Variants in UNC5C observed in about 807,000 individuals in gnomAD.
UNC5C encodes netrin receptor UNC5C.
In UNC5C, 47 loss-of-function variants were observed where a neutral mutation model predicts 99.8. The ratio of observed to expected loss-of-function variants is 0.47; its 90% CI spans 0.37 to 0.60. The LOEUF (loss-of-function observed/expected upper bound fraction) is 0.60. UNC5C is among the 20% of genes least tolerant of loss of function. UNC5C has a pLI of 0.00. For missense variants in UNC5C, 1,062 were observed against 1,165.9 expected (o/e 0.91, Z 1.30); for synonymous variants, 487 against 452.2 (o/e 1.08, Z -0.98).
intron 7 of UNC5C, among the ~76,000 whole-genome samples, chr4:95,221,293 G>A (rs1008173273): frequency 1.3e-5 from 2 of 152,134 alleles, no homozygotes; most frequent in Non-Finnish European, 2.9e-5. Context: ...TCAGGTAGTC[G>A]AGAACAACCT....
intron 1 of UNC5C, among the ~76,000 whole-genome samples, chr4:95,520,244 C>T (rs1028648048): frequency 1.3e-5 from 2 of 151,974 alleles, no homozygotes; most frequent in Non-Finnish European, 2.9e-5. Flanking sequence ...GATATTTTGT[C>T]GTGTCATTCT....
chr4:95,278,154 T>C (rs1740926894), intron 4 of UNC5C, 105 bp downstream of exon 4: 7 of 926,230 alleles, frequency 7.6e-6, no homozygotes, highest in South Asian at 4.3e-5. Context: ...TTACCAACCA[T>C]TCATCATGCC....
intron 2 of UNC5C, among the ~76,000 whole-genome samples, chr4:95,308,818 T>A (rs1336947706): frequency 2.1e-5 from 3 of 142,534 alleles, no homozygotes; most frequent in Non-Finnish European, 3.1e-5. Flanking sequence ...GATATGTTCA[T>A]GGATTAGAAA....
chr4:95,278,722 C>T (rs542006418), intron 3 of UNC5C, among the ~76,000 whole-genome samples: 1 of 152,040 alleles, frequency 6.6e-6, no homozygotes, highest in East Asian at 1.9e-4. Flanking sequence ...TCAAGTGATC[C>T]TCCCACCTCA....
rs759306174 is a variant in UNC5C at position 95,335,483 on chromosome 4, G to A, written c.273C>T (p.Ile91=). 6.2e-7 allele frequency: 1 copy of A among 1,612,450 alleles called. No homozygotes were observed. Among genetic ancestry groups the A allele is most frequent in the Non-Finnish European group, 8.5e-7 (1 of 1,178,942 alleles). The change falls in exon 2 of 16, where the codon ATC becomes ATT. Residue 91 remains isoleucine, a synonymous_variant. Coordinates refer to ENST00000453304, the MANE Select transcript of UNC5C (RefSeq NM_003728.4). ...LYCKASPATQ[I]YFKCNSEWVH... is the part of the protein sequence containing the mutation. ...CCCATTCACTATTACACTTGAAATA[G>A]ATCTGGGTGGCAGGGCTTGCTTTAC...
At chr4:95,269,111 T>C (rs1248141505) in intron 4 of UNC5C, among the ~76,000 whole-genome samples, 1 of 152,224 alleles carries the variant, frequency 6.6e-6, no homozygotes, top group African/African-American at 2.4e-5. Flanking sequence ...CCAGAGCTTT[T>C]CAAACTGCAT....
chr4:95,208,464 A>AACTT (rs779624449), intron 10 of UNC5C, among the ~76,000 whole-genome samples: 1 of 152,190 alleles, frequency 6.6e-6, no homozygotes, highest in African/African-American at 2.4e-5. Flanking sequence ...TTTTCATTTG[A>AACTT]ACTTAATAGT....
Position 95,201,794 on chromosome 4 carries a change from CG to C in UNC5C, c.2136+936del, listed in dbSNP as rs766349643. Among the ~76,000 whole-genome samples, 7 of 152,110 alleles carry C rather than the reference CG, an allele frequency of 4.6e-5. No individual in the cohort carries two copies. The East Asian group carries it at 9.7e-4, about 21-fold the overall frequency. On this transcript the variant is annotated intron_variant, in intron 12 of 15. Coordinates refer to ENST00000453304, the MANE Select transcript of UNC5C (RefSeq NM_003728.4). ...AATTTTTTTGTATTTTTAGTAGAGACGGGGTTTCACCGTGTTAGCCAGGATG... is the reference window on the plus strand; with the variant it reads ...AATTTTTTTGTATTTTTAGTAGAGACGGGTTTCACCGTGTTAGCCAGGATG...
chr4:95,452,810 A>G (rs996045644), intron 1 of UNC5C, among the ~76,000 whole-genome samples: 4 of 152,166 alleles, frequency 2.6e-5, no homozygotes, highest in African/African-American at 7.2e-5. Flanking sequence ...TTTCAGACAT[A>G]CAACACAGAT....
chr4:95,261,095 C>T (rs995500844), intron 4 of UNC5C, among the ~76,000 whole-genome samples: 3 of 152,148 alleles, frequency 2.0e-5, no homozygotes, highest in African/African-American at 7.2e-5. Context: ...GAGCCAACTA[C>T]AGTGCTACAG....
At chr4:95,330,406 T>A (rs889037517) in intron 2 of UNC5C, among the ~76,000 whole-genome samples, 31 of 152,136 alleles carry the variant, frequency 2.0e-4, no homozygotes, top group African/African-American at 6.3e-4. Flanking sequence ...AGTCATGATA[T>A]CTTTTTTGCC....
intron 1 of UNC5C, among the ~76,000 whole-genome samples, chr4:95,386,128 T>C (rs1745205365): frequency 6.6e-6 from 1 of 152,210 alleles, no homozygotes; most frequent in South Asian, 2.1e-4. Context: ...ATTTTTCTAA[T>C]GTTTCTCCCA....
chr4:95,258,741 T>G, intron 4 of UNC5C, among the ~76,000 whole-genome samples: 1 of 137,904 alleles, frequency 7.3e-6, no homozygotes, highest in South Asian at 2.5e-4. Context: ...ATCGACCATC[T>G]TATTCTTTTT....
chr4:95,312,303 G>A (rs1742305472), intron 2 of UNC5C, among the ~76,000 whole-genome samples: 1 of 152,110 alleles, frequency 6.6e-6, no homozygotes, highest in African/African-American at 2.4e-5. Context: ...CATAGGCCCT[G>A]TCCTATGCAT....
At chr4:95,436,793 T>G (rs1038106826) in intron 1 of UNC5C, among the ~76,000 whole-genome samples, 22 of 151,872 alleles carry the variant, frequency 1.4e-4, no homozygotes, top group African/African-American at 5.3e-4. Context: ...TTATGCTCTA[T>G]TTTTCTAGAA....
At chr4:95,437,715 A>G (rs1007037097) in intron 1 of UNC5C, among the ~76,000 whole-genome samples, 1 of 152,056 alleles carries the variant, frequency 6.6e-6, no homozygotes, top group African/African-American at 2.4e-5. Context: ...CCTGGGCCCT[A>G]TTATTGAAAT....
intron 1 of UNC5C, among the ~76,000 whole-genome samples, chr4:95,445,916 GTTAC>G (rs555054437): frequency 6.3e-4 from 96 of 151,328 alleles, no homozygotes; most frequent in African/African-American, 1.9e-3. Context: ...ACCACCGGAA[GTTAC>G]TTACTAAGAA....
rs535427512 is a variant in UNC5C at position 95,444,803 on chromosome 4, G to A, written c.124+103931C>T. Among the ~76,000 whole-genome samples the A allele has an allele frequency of 1.3e-5, 2 of 152,182 alleles. 1 individual carries two copies. The highest frequency in any genetic ancestry group is 6.8e-3 in the Middle Eastern group (2 of 294). ...GGCTAGCTCTGAAAGTCCTATATCT[G>A]CAGGGGATTATCACCAGTCTGCAAC... On this transcript the variant is annotated intron_variant, in intron 1 of 15. Transcript: ENST00000453304.
intron 4 of UNC5C, among the ~76,000 whole-genome samples, chr4:95,253,879 C>T (rs1739851720): frequency 6.6e-6 from 1 of 152,206 alleles, no homozygotes; most frequent in South Asian, 2.1e-4. Flanking sequence ...GAAGTCCTGA[C>T]ACTCTTCCAT....
Sources: gnomAD v4.1 joint callset for allele counts (sites outside exome capture counted in the v4.1 genomes callset) on GRCh38, gnomAD v4.1.1 for gene constraint, MANE v1.5 for transcripts, NCBI Gene and HGNC (gene_info 2026-07-23, HGNC 2026-07-21) for gene names.